FAXC: variants seen among roughly 807,000 people sequenced by gnomAD.
The protein encoded by FAXC is failed axon connections homolog, metaxin like GST domain containing.
FAXC carries 10 observed loss-of-function variants against 41.9 expected under a neutral mutation model. The observed-to-expected ratio is 0.24, with a 90% CI of 0.15 to 0.41. FAXC has a LOEUF of 0.41. Among genes scored for constraint, FAXC ranks in the 10% least tolerant of loss-of-function variants. The probability of loss-of-function intolerance (pLI) is 1.00; values close to 1 mark genes in which losing one functional copy is unlikely to be tolerated. For synonymous variants in FAXC, 183 were observed against 183.8 expected (o/e 1.00, Z 0.03); for missense variants, 399 against 510.9 (o/e 0.78, Z 2.11).
intron 5 of FAXC, among the ~76,000 whole-genome samples, chr6:99,288,881 C>CACACAT (rs1381750044): frequency 2.6e-5 from 4 of 151,940 alleles, no homozygotes; most frequent in Non-Finnish European, 5.9e-5. Context: ...CACACACACA[C>CACACAT]ACACAGAGCT....
intron 2 of FAXC, among the ~76,000 whole-genome samples, chr6:99,336,853 G>C (rs768989440): frequency 6.6e-6 from 1 of 152,120 alleles, no homozygotes; most frequent in Non-Finnish European, 1.5e-5. Context: ...AGAGTCTTGG[G>C]ACTCTGATTT....
At position 99,285,510 on chromosome 6, in the gene FAXC, T is replaced by G. The variant is rs911240721; in HGVS notation, c.941-4057A>C. Among the ~76,000 whole-genome samples, 3 of 152,162 alleles carry G rather than the reference T, an allele frequency of 2.0e-5. No individual in the cohort carries two copies. The South Asian group carries it at 6.2e-4, about 32-fold the overall frequency. On this transcript the variant is annotated intron_variant, in intron 5 of 5. Transcript: ENST00000389677. ...TAGATATGCTATGCAAATCTGTACA[T>G]GAAAAAGGCACAAAAGGATTTACAT...
Position 99,291,812 on chromosome 6 carries a change from T to G in FAXC, c.832A>C (p.Lys278Gln), listed in dbSNP as rs1771255977. The G allele has an allele frequency of 1.9e-6, 3 of 1,613,006 alleles. No individual in the cohort carries two copies. Among genetic ancestry groups the G allele is most frequent in the Non-Finnish European group, 2.5e-6 (3 of 1,178,958 alleles). ...RSLAGLLGDK[K>Q]YIMGPKLSTL... ...GAAAGCTTGGGCCCCATGATGTACT[T>G]CTTATCACCTGCAGTAAATAAAGCA... is the stretch of plus-strand genomic sequence containing the variant. Residue 278 changes from lysine (K) to glutamine (Q), a missense_variant, in exon 5 of 6, where the codon AAG becomes CAG. Lys to Gln is a moderately conservative substitution (Grantham distance 53). This residue lies in a region of FAXC where 239 missense variants were observed against 352.7 expected (regional missense o/e 0.68). Coordinates refer to ENST00000389677, the MANE Select transcript of FAXC (RefSeq NM_032511.4).
intron 5 of FAXC, among the ~76,000 whole-genome samples, chr6:99,291,032 G>A (rs1418899354): frequency 6.6e-6 from 1 of 151,956 alleles, no homozygotes; most frequent in African/African-American, 2.4e-5. Context: ...GGCTGGTCTC[G>A]AACTCCTGAC....
At chr6:99,342,144 T>C (rs185609297) in intron 2 of FAXC, among the ~76,000 whole-genome samples, 2 of 152,294 alleles carry the variant, frequency 1.3e-5, no homozygotes, top group East Asian at 1.9e-4. Context: ...AAACAGAACA[T>C]GGAGTGCTGT....
At chr6:99,330,604 T>C (rs1287215212) in intron 3 of FAXC, among the ~76,000 whole-genome samples, 1 of 152,214 alleles carries the variant, frequency 6.6e-6, no homozygotes, top group Non-Finnish European at 1.5e-5. Flanking sequence ...CATAAAATCA[T>C]GCCTGGGGTG....
chr6:99,335,420 C>T (rs1012189637), intron 2 of FAXC, among the ~76,000 whole-genome samples: 1 of 152,220 alleles, frequency 6.6e-6, no homozygotes, highest in Admixed American at 6.5e-5. Context: ...TGCTCACAGG[C>T]ACGTTCCAGC....
chr6:99,305,961 AAATC>A (rs1375634600), intron 4 of FAXC, among the ~76,000 whole-genome samples: 2 of 152,122 alleles, frequency 1.3e-5, no homozygotes, highest in Non-Finnish European at 2.9e-5. Flanking sequence ...GACAATAAGC[AAATC>A]AATCAATCAA....
intron 5 of FAXC, among the ~76,000 whole-genome samples, chr6:99,282,745 TTATA>T (rs147066231): frequency 0.11 from 16,538 of 152,156 alleles, 1,152 homozygotes; most frequent in East Asian, 0.31. Flanking sequence ...TGGATTTGAG[TTATA>T]TAAACATTCA....
At chr6:99,293,981 G>A (rs1771363146) in intron 4 of FAXC, among the ~76,000 whole-genome samples, 1 of 152,066 alleles carries the variant, frequency 6.6e-6, no homozygotes, top group South Asian at 2.1e-4. Flanking sequence ...GGTAACAACT[G>A]TTACAGCACA....
Position 99,293,694 on chromosome 6 carries a change from G to C in FAXC, c.824-1874C>G, listed in dbSNP as rs9402623. On this transcript the variant is annotated intron_variant, in intron 4 of 5. Coordinates refer to ENST00000389677, the MANE Select transcript of FAXC (RefSeq NM_032511.4). ...TGTGTGTGTGTGTGTGTGTGTGTGTGTGTGTGTGTGTGTGTGTGTCTGTGT... is the reference window on the plus strand; with the variant it reads ...TGTGTGTGTGTGTGTGTGTGTGTGTCTGTGTGTGTGTGTGTGTGTCTGTGT... 9.6e-3 allele frequency among the ~76,000 whole-genome samples: 1,330 copies of C among 138,334 alleles called. 14 individuals carry two copies. Among genetic ancestry groups the C allele is most frequent in the Non-Finnish European group, 9.0e-3 (564 of 62,952 alleles). 90.8% of individuals were successfully genotyped at this position (138,334 alleles called of 152,430 possible).
chr6:99,298,678 A>G (rs111952273), intron 4 of FAXC, among the ~76,000 whole-genome samples: 1,722 of 152,318 alleles, frequency 0.011, 43 homozygotes, highest in African/African-American at 0.039. Flanking sequence ...GGAACCATCA[A>G]TTAAGGTTAT....
chr6:99,318,521 C>T (rs1772462908), intron 4 of FAXC, among the ~76,000 whole-genome samples: 6 of 152,036 alleles, frequency 3.9e-5, no homozygotes, highest in Admixed American at 3.9e-4. Flanking sequence ...TTTTCTGAGC[C>T]TTCCCAAATT....
intron 4 of FAXC, among the ~76,000 whole-genome samples, chr6:99,293,166 G>T (rs1582626681): frequency 6.6e-6 from 1 of 152,128 alleles, no homozygotes; most frequent in Admixed American, 6.5e-5. Context: ...CTTTTGAAAT[G>T]AGTTATAAAA....
At chr6:99,290,327 C>A (rs932241553) in intron 5 of FAXC, among the ~76,000 whole-genome samples, 8 of 152,054 alleles carry the variant, frequency 5.3e-5, no homozygotes, top group South Asian at 2.1e-4. Flanking sequence ...TCTTGTAATT[C>A]TGATAGGCCT....
At position 99,307,132 on chromosome 6, in the gene FAXC, G is replaced by A. The variant is rs139132559; in HGVS notation, c.824-15312C>T. On this transcript the variant is annotated intron_variant, in intron 4 of 5. Coordinates refer to ENST00000389677, the MANE Select transcript of FAXC (RefSeq NM_032511.4). ...CTTCCAAAAAGCCAAAACATAATAG[G>A]AATGCTTTTGAATGGTAGGGTATTA... is the stretch of plus-strand genomic sequence containing the variant. Among the ~76,000 whole-genome samples, 465 of 152,214 alleles carry A rather than the reference G, an allele frequency of 3.1e-3. 2 individuals are homozygous for A. The highest frequency in any genetic ancestry group is 0.011 in the African/African-American group (451 of 41,530).
intron 4 of FAXC, among the ~76,000 whole-genome samples, chr6:99,320,077 TGGTA>T (rs572712225): frequency 2.0e-3 from 299 of 152,336 alleles, no homozygotes; most frequent in African/African-American, 6.3e-3. Flanking sequence ...CATCTTTGTT[TGGTA>T]TTTTATTTAA....
At chr6:99,286,029 C>T (rs1360836128) in intron 5 of FAXC, among the ~76,000 whole-genome samples, 1 of 152,172 alleles carries the variant, frequency 6.6e-6, no homozygotes, top group East Asian at 1.9e-4. Flanking sequence ...ACCTGCCAGC[C>T]CTTGGTCACG....
chr6:99,295,126 C>G (rs551919399), intron 4 of FAXC, among the ~76,000 whole-genome samples: 21 of 152,226 alleles, frequency 1.4e-4, no homozygotes, highest in African/African-American at 4.8e-4. Flanking sequence ...GAAAAGAGAA[C>G]AGAAATCAGG....
Sources: gnomAD v4.1 joint callset for allele counts (sites outside exome capture counted in the v4.1 genomes callset) on GRCh38, gnomAD v4.1.1 for gene constraint, gnomAD v4.1.1 regional missense constraint, MANE v1.5 for transcripts, NCBI Gene and HGNC (gene_info 2026-07-23, HGNC 2026-07-21) for gene names.